Variants in CERS3 observed in about 807,000 individuals in gnomAD.
The protein encoded by CERS3 is LAG1 homolog, ceramide synthase 3.
A neutral mutation model predicts 50.3 loss-of-function variants in CERS3; 33 were observed. That is an observed-to-expected ratio of 0.66 (90% CI 0.50 to 0.88). The LOEUF is 0.88. CERS3 is among the 40% of genes least tolerant of loss of function. The probability of loss-of-function intolerance (pLI) is 0.00; values close to 1 mark genes in which losing one functional copy is unlikely to be tolerated. For missense variants in CERS3, 470 were observed against 460.3 expected (o/e 1.02, Z -0.19); for synonymous variants, 176 against 155.2 (o/e 1.13, Z -0.99).
At position 100,468,744 on chromosome 15, in the gene CERS3, G is replaced by A. The variant is rs146566219; in HGVS notation, c.845+634C>T. On this transcript the variant is annotated intron_variant, in intron 10 of 11. Transcript: ENST00000679737. ...CATTATGCTTCCCAAGGAAATGATTGTCATGGGAGATGTAATATATGCTTT... is the reference window on the plus strand; with the variant it reads ...CATTATGCTTCCCAAGGAAATGATTATCATGGGAGATGTAATATATGCTTT... Among the ~76,000 whole-genome samples, 360 of 152,298 alleles carry A rather than the reference G, an allele frequency of 2.4e-3. 4 individuals carry two copies. Among genetic ancestry groups the A allele is most frequent in the African/African-American group, 8.3e-3 (345 of 41,562 alleles).
chr15:100,466,742 TTCCTTCCTTCCTTCC>T (rs1567638298), intron 10 of CERS3, among the ~76,000 whole-genome samples: 10 of 22,178 alleles, frequency 4.5e-4, no homozygotes, highest in African/African-American at 1.1e-3. Context: ...CCTTCTTTCC[TTCCTTCCTTCCTTCC>T]TTCCTTCCTT....
upstream of CERS3, among the ~76,000 whole-genome samples, chr15:100,533,619 G>T (rs1466980700): frequency 7.6e-6 from 1 of 131,404 alleles, no homozygotes; most frequent in Admixed American, 8.8e-5. Context: ...GTGCAGTGGC[G>T]CAATCTCAGC....
intron 2 of CERS3, among the ~76,000 whole-genome samples, chr15:100,516,310 C>T (rs897789889): frequency 3.3e-5 from 5 of 152,180 alleles, no homozygotes; most frequent in Admixed American, 1.3e-4. Context: ...TAAAAACTTT[C>T]GAGAGAACAG....
intron 11 of CERS3, among the ~76,000 whole-genome samples, chr15:100,427,812 C>G (rs951048428): frequency 4.6e-5 from 7 of 152,196 alleles, no homozygotes; most frequent in Non-Finnish European, 8.8e-5. Flanking sequence ...TTGTGTAGCT[C>G]AAACTCAGAT....
chr15:100,516,679 A>G (rs548328514), intron 2 of CERS3, among the ~76,000 whole-genome samples: 1 of 152,316 alleles, frequency 6.6e-6, no homozygotes, highest in Admixed American at 6.5e-5. Context: ...CTCCTCCCCC[A>G]TTGTGTTCTC....
At chr15:100,423,859 C>T (rs968475490) in intron 11 of CERS3, among the ~76,000 whole-genome samples, 4 of 151,964 alleles carry the variant, frequency 2.6e-5, no homozygotes, top group East Asian at 1.9e-4. Flanking sequence ...GCCTCCCCCA[C>T]GATGTTACCT....
rs191144938 is a variant in CERS3 at position 100,452,415 on chromosome 15, A to T, written c.999+3478T>A. 3.6e-3 allele frequency among the ~76,000 whole-genome samples: 556 copies of T among 152,338 alleles called. 1 individual carries two copies. The highest frequency in any genetic ancestry group is 0.013 in the African/African-American group (533 of 41,590). ...ATGCTCCAAAATGACCACTAGGTCAAGAAAGAAATTAAGAGGGAAATCAAA... is the reference window on the plus strand; with the variant it reads ...ATGCTCCAAAATGACCACTAGGTCATGAAAGAAATTAAGAGGGAAATCAAA... On this transcript the variant is annotated intron_variant, in intron 11 of 11. Transcript: ENST00000679737.
At chr15:100,409,803 C>G (rs972756855) in intron 11 of CERS3, among the ~76,000 whole-genome samples, 12 of 152,170 alleles carry the variant, frequency 7.9e-5, no homozygotes, top group Non-Finnish European at 2.9e-5. Context: ...GCCCTGACCC[C>G]TTTACAAATC....
Position 100,467,874 on chromosome 15 carries a change from G to T in CERS3, c.845+1504C>A, listed in dbSNP as rs375324014. Among the ~76,000 whole-genome samples, 5 of 46,010 alleles carry T rather than the reference G, an allele frequency of 1.1e-4. 1 individual carries two copies. Among genetic ancestry groups the T allele is most frequent in the Non-Finnish European group, 3.5e-4 (5 of 14,414 alleles). 30.2% of individuals were successfully genotyped at this position (46,010 alleles called of 152,430 possible). A position where few individuals can be genotyped will look rare whatever the true frequency, so the allele number is the denominator to read the frequency against. ...ATATAGATAGATAGATAGATAGATA[G>T]ATAGATATAGATATAGATATAGATA... On this transcript the variant is annotated intron_variant, in intron 10 of 11. Transcript: ENST00000679737.
chr15:100,540,717 C>G (rs1255845947), intron 1 of CERS3, among the ~76,000 whole-genome samples: 2 of 152,200 alleles, frequency 1.3e-5, no homozygotes, highest in African/African-American at 4.8e-5. Context: ...TGTGCGCGTA[C>G]AGGTATGTGT....
At chr15:100,477,805 T>G (rs1385726939) in intron 7 of CERS3, among the ~76,000 whole-genome samples, 1 of 152,192 alleles carries the variant, frequency 6.6e-6, no homozygotes, top group Non-Finnish European at 1.5e-5. Flanking sequence ...AGCACTGTAA[T>G]ATTTTATTTG....
At position 100,476,100 on chromosome 15, in the gene CERS3, C is replaced by A; in HGVS notation, c.595G>T (p.Asp199Tyr). The A allele has an allele frequency of 1.3e-6, 2 of 1,565,740 alleles. No homozygotes were observed. Among genetic ancestry groups the A allele is most frequent in the South Asian group, 1.2e-5 (1 of 82,678 alleles). Residue 199 changes from aspartate (D) to tyrosine (Y), a missense_variant, in exon 8 of 12, where the codon GAT becomes TAT. By Grantham distance (160) the Asp-to-Tyr change is radical. Transcript: ENST00000679737. The stretch of plus-strand genomic sequence containing the variant: ...AAGACACTTACCTTTCTCTTGACAT[C>A]AAAGCCAAGTCTAAATAACAGAGAC... ...YWSLLFRLGFDVKRKDFLAHI... is the reference protein window; with the variant it reads ...YWSLLFRLGFYVKRKDFLAHI...
chr15:100,543,745 G>C (rs1359180312), intron 1 of CERS3, among the ~76,000 whole-genome samples: 1 of 152,092 alleles, frequency 6.6e-6, no homozygotes, highest in Non-Finnish European at 1.5e-5. Context: ...GGCCAGGCTA[G>C]TTTCAAACTC....
chr15:100,442,659 A>C (rs1354585213), intron 11 of CERS3, among the ~76,000 whole-genome samples: 1 of 152,018 alleles, frequency 6.6e-6, no homozygotes, highest in Non-Finnish European at 1.5e-5. Context: ...TGAAAATCAG[A>C]CTGTTCAACT....
intron 11 of CERS3, chr15:100,426,042 T>G (rs2032792639): frequency 6.6e-6 from 1 of 152,386 alleles, no homozygotes; most frequent in Non-Finnish European, 1.5e-5. Context: ...GATTGTTTCC[T>G]GAGGCCTCCC....
intron 11 of CERS3, among the ~76,000 whole-genome samples, chr15:100,418,970 C>T (rs1596623105): frequency 1.6e-5 from 1 of 62,076 alleles, no homozygotes; most frequent in Admixed American, 1.9e-4. Context: ...CCAGCCACTG[C>T]AAAATCGTGC....
In CERS3 at chr15:100,469,249, T is replaced by C. The variant is rs147096279; in HGVS notation, c.845+129A>G. On this transcript the variant is annotated intron_variant, in intron 10 of 11. Transcript: ENST00000679737. The stretch of plus-strand genomic sequence containing the variant: ...TAAAAATGGCTCCATCACATTCTTT[T>C]CTCCAACTGCACTTGACACAAATAA... The C allele has an allele frequency of 2.4e-4, 154 of 654,576 alleles. No homozygotes were observed. The East Asian group carries it at 3.5e-3, about 15-fold the overall frequency. 40.5% of individuals were successfully genotyped at this position (654,576 alleles called of 1,614,324 possible). A position where few individuals can be genotyped will look rare whatever the true frequency, so the allele number is the denominator to read the frequency against.
At chr15:100,489,937 A>G (rs577079333) in intron 4 of CERS3, among the ~76,000 whole-genome samples, 25 of 152,352 alleles carry the variant, frequency 1.6e-4, no homozygotes, top group Admixed American at 7.2e-4. Flanking sequence ...CACGAGGAAC[A>G]AATTAGAGCA....
chr15:100,416,968 A>G (rs2142074501), intron 11 of CERS3, among the ~76,000 whole-genome samples: 1 of 152,356 alleles, frequency 6.6e-6, no homozygotes, highest in Non-Finnish European at 1.5e-5. Flanking sequence ...CAAGCATATG[A>G]AAAAATATTC....
Sources: gnomAD v4.1 joint callset for allele counts (sites outside exome capture counted in the v4.1 genomes callset) on GRCh38, gnomAD v4.1.1 for gene constraint, MANE v1.5 for transcripts, NCBI Gene and HGNC (gene_info 2026-07-23, HGNC 2026-07-21) for gene names.